The following EIF3A variants were observed in gnomAD, a reference collection of about 807,000 sequenced individuals.
EIF3A encodes eukaryotic translation initiation factor 3 subunit A, also known as EIF3, p180 subunit.
EIF3A carries 21 observed loss-of-function variants against 186.6 expected under a neutral mutation model. The observed-to-expected ratio is 0.11, with a 90% confidence interval of 0.08 to 0.16. The LOEUF is 0.16. EIF3A is among the 10% of genes least tolerant of loss of function. The pLI is 1.00. For synonymous variants in EIF3A, 563 were observed against 584.3 expected (o/e 0.96, Z 0.52); for missense variants, 1,306 against 1,796.3 (o/e 0.73, Z 4.93).
intron 4 of EIF3A, among the ~76,000 whole-genome samples, chr10:119,072,037 A>AAAG (rs1844081981): frequency 7.1e-6 from 1 of 141,762 alleles, no homozygotes; most frequent in Non-Finnish European, 1.5e-5. Context: ...AAAAAAAAAA[A>AAAG]AAAAAAAAAG....
chr10:119,075,879 AT>A (rs58100835), intron 1 of EIF3A, among the ~76,000 whole-genome samples: 2,523 of 94,002 alleles, frequency 0.027, 69 homozygotes, highest in African/African-American at 0.097. Flanking sequence ...CGCCTGGCTA[AT>A]TTTTTTTTTT....
Position 119,080,613 on chromosome 10 carries a change from CG to C in EIF3A, c.49+14del. 1 of 1,578,014 alleles carries C rather than the reference CG, an allele frequency of 6.3e-7. No individual in the cohort carries two copies. The highest frequency in any genetic ancestry group is 1.2e-5 in the South Asian group (1 of 86,502). On this transcript the variant is annotated intron_variant, in intron 1 of 21. Coordinates refer to ENST00000369144, the MANE Select transcript of EIF3A (RefSeq NM_003750.4). Reference sequence around the variant, plus strand: ...CGGGCCGCCCCAGCCCGGCGCGCCCCGATCAGCTACTCACCGTTGGCGCGTT... The same window carrying C: ...CGGGCCGCCCCAGCCCGGCGCGCCCCATCAGCTACTCACCGTTGGCGCGTT...
In EIF3A at chr10:119,038,253, C is replaced by T; in HGVS notation, c.3713G>A (p.Arg1238His). The part of the protein sequence containing the change: ...DRERDVDRED[R>H]FRRPRDEGGW... ...AGCATCACACCTAGGTCTTCTGAAG[C>T]GATCCTCTCGATCCACATCTCTCTC... The change falls in exon 20 of 22, where the codon CGC (arginine) becomes CAC (histidine). Residue 1238 changes from arginine to histidine, a missense_variant. This residue lies in a region of EIF3A where 331 missense variants were observed against 365.8 expected (regional missense o/e 0.90). Coordinates refer to ENST00000369144, the MANE Select transcript of EIF3A (RefSeq NM_003750.4). 3.1e-6 allele frequency: 5 copies of T among 1,613,668 alleles called. No individual in the cohort carries two copies. The South Asian group carries it at 3.3e-5, about 11-fold the overall frequency.
chr10:119,072,819 G>T (rs1301160686), intron 4 of EIF3A, 71 bp downstream of exon 4: 1 of 1,517,426 alleles, frequency 6.6e-7, no homozygotes, highest in African/African-American at 1.4e-5. Context: ...TTCATTTTAA[G>T]TACTTTTCAG....
At chr10:119,050,757 A>C in intron 15 of EIF3A, 83 bp from the exon 16 acceptor site, 1 of 1,438,588 alleles carries the variant, frequency 7.0e-7, no homozygotes, top group Non-Finnish European at 9.7e-7. Flanking sequence ...AGGTTTACAA[A>C]AGACTCTCAA....
rs538033139 is a variant in EIF3A at position 119,080,811 on chromosome 10, G to C, written c.-135C>G. ...CGCCCGCGCCCAGCCGGCCAGAGAC[G>C]GAAAGGAAGGAGCCACGTGACCTCC... On this transcript the variant is annotated 5_prime_UTR_variant, in exon 1 of 22. Transcript: ENST00000369144. 9.2e-6 allele frequency: 13 copies of C among 1,417,518 alleles called. No homozygotes were observed. The highest frequency in any genetic ancestry group is 4.5e-5 in the South Asian group (3 of 67,144). 87.8% of individuals were successfully genotyped at this position (1,417,518 alleles called of 1,614,324 possible). A position where few individuals can be genotyped will look rare whatever the true frequency, so the allele number is the denominator to read the frequency against.
At chr10:119,045,047 C>T (rs972385508) in intron 17 of EIF3A, among the ~76,000 whole-genome samples, 1 of 150,712 alleles carries the variant, frequency 6.6e-6, no homozygotes, top group Non-Finnish European at 1.5e-5. Flanking sequence ...CACATTCAAG[C>T]TATTCTTGAG....
chr10:119,046,607 G>C (rs1244523092), intron 17 of EIF3A, among the ~76,000 whole-genome samples: 3 of 152,208 alleles, frequency 2.0e-5, no homozygotes, highest in Non-Finnish European at 4.4e-5. Flanking sequence ...GTTTTGTTCT[G>C]AAGAGGCAAA....
At chr10:119,071,751 C>T (rs1023292828) in intron 4 of EIF3A, among the ~76,000 whole-genome samples, 1 of 152,032 alleles carries the variant, frequency 6.6e-6, no homozygotes, top group African/African-American at 2.4e-5. Flanking sequence ...TTCAGCTGGG[C>T]GCGATGGCTC....
At chr10:119,059,167 G>A (rs776527632) in intron 11 of EIF3A, 45 bp downstream of exon 11, 48 of 1,510,784 alleles carry the variant, frequency 3.2e-5, no homozygotes, top group Non-Finnish European at 4.2e-5. Context: ...GGCGTTAAGA[G>A]TCCCTCAAAA....
Position 119,042,138 on chromosome 10 carries a change from T to C in EIF3A, c.3382A>G (p.Ile1128Val). Reference sequence around the variant, plus strand: ...TCATCCTCTGCACCACGCCTGGGAATTCTGTCATCATCGGCGTTCCTCCAA... The same window carrying C: ...TCATCCTCTGCACCACGCCTGGGAACTCTGTCATCATCGGCGTTCCTCCAA... The part of the protein sequence containing the change: ...GPWRNADDDR[I>V]PRRGAEDDRG... The change falls in exon 19 of 22, where the codon ATT (isoleucine) becomes GTT (valine). Residue 1128 changes from isoleucine (I) to valine (V), a missense_variant. Around this residue, in one of 8 missense-constraint regions of EIF3A, gnomAD observed 331 missense variants for 365.8 expected, o/e 0.90. Coordinates refer to ENST00000369144, the MANE Select transcript of EIF3A (RefSeq NM_003750.4). This position sits in a 1 kb window ranked among gnomAD's most constrained non-coding sequence, Gnocchi z 7.8. 6.2e-7 allele frequency: 1 copy of C among 1,613,978 alleles called. No homozygotes were observed.
chr10:119,046,723 T>C (rs1040967397), intron 17 of EIF3A, among the ~76,000 whole-genome samples: 4 of 150,108 alleles, frequency 2.7e-5, no homozygotes, highest in Admixed American at 6.6e-5. Context: ...CTTTGGGAGG[T>C]TGAGGTGGGT....
At position 119,075,621 on chromosome 10, in the gene EIF3A, A is replaced by AGG. The variant is rs1554873565; in HGVS notation, c.50-1686_50-1685dup. Among the ~76,000 whole-genome samples, 419 of 111,720 alleles carry AGG rather than the reference A, an allele frequency of 3.8e-3. 6 individuals are homozygous for AGG. The highest frequency in any genetic ancestry group is 4.1e-3 in the Admixed American group (36 of 8,768). 73.3% of individuals were successfully genotyped at this position (111,720 alleles called of 152,430 possible). On this transcript the variant is annotated intron_variant, in intron 1 of 21. Coordinates refer to ENST00000369144, the MANE Select transcript of EIF3A (RefSeq NM_003750.4). ...CTAAAACACTACACTAAAAAAAAAA[A>AGG]GGGGGGGAGCTTAAAACACTATATA... is the stretch of plus-strand genomic sequence containing the variant.
intron 1 of EIF3A, chr10:119,080,350 G>C: frequency 1.0e-6 from 1 of 985,468 alleles, no homozygotes; most frequent in Non-Finnish European, 1.2e-6. Context: ...GGTAGGGGCT[G>C]TCTCCCGGGC....
intron 12 of EIF3A, 43 bp downstream of exon 12, chr10:119,057,913 A>G: frequency 6.7e-7 from 1 of 1,490,176 alleles, no homozygotes; most frequent in Non-Finnish European, 9.2e-7. Flanking sequence ...AGTACAAAAT[A>G]CCTGGATAAA....
chr10:119,075,657 T>TATAA (rs1554873594), intron 1 of EIF3A, among the ~76,000 whole-genome samples: 1 of 141,876 alleles, frequency 7.0e-6, no homozygotes, highest in Non-Finnish European at 1.5e-5. Context: ...TATACATATA[T>TATAA]ATATATATAT....
chr10:119,059,797 G>GAGATT, intron 9 of EIF3A, 79 bp from the exon 10 acceptor site: 1 of 936,454 alleles, frequency 1.1e-6, no homozygotes, highest in Non-Finnish European at 1.8e-6. Context: ...TGACAGTCAT[G>GAGATT]GGAAGTAGAA....
rs763871929 is a variant in EIF3A at position 119,042,148 on chromosome 10, A to T, written c.3372T>A (p.Asp1124Glu). The change falls in exon 19 of 22, where the codon GAT (aspartate) becomes GAA (glutamate). Residue 1124 changes from aspartate (D) to glutamate (E), a missense_variant. By Grantham distance (45) the Asp-to-Glu change is conservative. Around this residue, in one of 8 missense-constraint regions of EIF3A, gnomAD observed 331 missense variants for 365.8 expected, o/e 0.90. Transcript: ENST00000369144. This position sits in a 1 kb window ranked among gnomAD's most constrained non-coding sequence, Gnocchi z 7.8. ...CACCACGCCTGGGAATTCTGTCATC[A>T]TCGGCGTTCCTCCAAGGTCCTCGAT... is the stretch of plus-strand genomic sequence containing the variant. ...DDDRGPWRNADDDRIPRRGAE... is the reference protein window; with the variant it reads ...DDDRGPWRNAEDDRIPRRGAE... The T allele has an allele frequency of 4.3e-6, 7 of 1,613,730 alleles. No individual in the cohort carries two copies. In the East Asian group the frequency reaches 1.6e-4, roughly 36 times the overall value.
intron 17 of EIF3A, among the ~76,000 whole-genome samples, chr10:119,047,181 T>G (rs973402502): frequency 1.2e-4 from 18 of 152,172 alleles, no homozygotes; most frequent in Admixed American, 1.2e-3. Flanking sequence ...GGCAGGAGAA[T>G]TGCTTGAAAC....
Sources: allele counts gnomAD v4.1 joint callset (sites outside exome capture counted in the v4.1 genomes callset), GRCh38; gene constraint gnomAD v4.1.1; regional missense constraint gnomAD v4.1.1; non-coding constraint Gnocchi (gnomAD v3.1); transcripts MANE v1.5; gene names NCBI Gene and HGNC (gene_info 2026-07-23, HGNC 2026-07-21).